Variants in LRRC63 observed in about 807,000 individuals in gnomAD.
LRRC63 encodes leucine-rich repeat-containing protein 63.
A neutral mutation model predicts 49.5 loss-of-function variants in LRRC63; 40 were observed. The ratio of observed to expected loss-of-function variants is 0.81; its 90% CI spans 0.63 to 1.05. LRRC63 has a LOEUF of 1.05. LRRC63 is among the 50% of genes least tolerant of loss of function. The pLI, the probability that LRRC63 is intolerant of heterozygous loss-of-function variation, is 0.00. For synonymous variants in LRRC63, 191 were observed against 221.1 expected (o/e 0.86, Z 1.21); for missense variants, 636 against 663.1 (o/e 0.96, Z 0.45).
rs9567653 is a variant in LRRC63, at chr13:46,251,146, C to T, written c.1226+655C>T. Among the ~76,000 whole-genome samples the T allele has an allele frequency of 4.6e-5, 7 of 151,842 alleles. No homozygotes were observed. The East Asian group carries it at 1.4e-3, about 29-fold the overall frequency. On this transcript the variant is annotated intron_variant, in intron 7 of 9. Coordinates refer to ENST00000595396, the Ensembl canonical transcript of LRRC63. ...ATCTCTCAGTACAAAGAGAAAGGGACTCATAAATAGTTGAATAATACTTTG... is the reference window on the plus strand; with the variant it reads ...ATCTCTCAGTACAAAGAGAAAGGGATTCATAAATAGTTGAATAATACTTTG...
chr13:46,269,144 A>G (rs2047721181), intron 9 of LRRC63, among the ~76,000 whole-genome samples: 1 of 152,056 alleles, frequency 6.6e-6, no homozygotes, highest in Non-Finnish European at 1.5e-5. Context: ...ATTTTCTCAG[A>G]AACTTAATAA....
At chr13:46,233,949 A>G (rs1213320712) in intron 4 of LRRC63, among the ~76,000 whole-genome samples, 1 of 152,222 alleles carries the variant, frequency 6.6e-6, no homozygotes, top group Non-Finnish European at 1.5e-5. Flanking sequence ...ATCTATGAGC[A>G]TATGGTTTAC....
rs574082831 is a variant in LRRC63 at position 46,219,482 on chromosome 13, C to T, written c.85+6363C>T. Among the ~76,000 whole-genome samples the T allele has an allele frequency of 3.9e-5, 6 of 152,302 alleles. No individual in the cohort carries two copies. In the South Asian group the frequency reaches 1.2e-3, roughly 32 times the overall value. On this transcript the variant is annotated intron_variant, in intron 2 of 9. Transcript: ENST00000595396. ...ATTTAGCTTCTCTAAACTGGTTATT[C>T]TAGTTAGCAATTCATCTAACCTTTT...
Position 46,227,590 on chromosome 13 carries a change from G to A in LRRC63, c.164G>A (p.Arg55His), listed in dbSNP as rs76914233. The change falls in exon 3 of 10, where the codon CGT (arginine) becomes CAT (histidine). Residue 55 changes from arginine (R) to histidine (H), a missense_variant. Physicochemically the swap from Arg to His is conservative, Grantham distance 29. Coordinates refer to ENST00000595396, the Ensembl canonical transcript of LRRC63. ...ACTTCCATTAAAATGGATAGAACTCGTTTTCCTGATGTTTTAAGAAATCAA... is the reference window on the plus strand; with the variant it reads ...ACTTCCATTAAAATGGATAGAACTCATTTTCCTGATGTTTTAAGAAATCAA... 355 of 1,549,576 alleles carry A rather than the reference G, an allele frequency of 2.3e-4. 1 individual carries two copies. In the East Asian group the frequency reaches 4.6e-3, roughly 20 times the overall value.
At chr13:46,255,671 T>TATATATATA (rs1487104632) in intron 7 of LRRC63, among the ~76,000 whole-genome samples, 10 of 148,340 alleles carry the variant, frequency 6.7e-5, no homozygotes, top group East Asian at 4.0e-4. Flanking sequence ...TATATAGTTA[T>TATATATATA]TAGTAACCTC....
At chr13:46,266,502 CTA>C in intron 8 of LRRC63, among the ~76,000 whole-genome samples, 1 of 152,232 alleles carries the variant, frequency 6.6e-6, no homozygotes, top group South Asian at 2.1e-4. Flanking sequence ...AAAATCCAAA[CTA>C]TGTACTTAAA....
intron 1 of LRRC63, 26 bp from the exon 2 acceptor site, chr13:46,212,976 C>A: frequency 8.7e-7 from 1 of 1,145,712 alleles, no homozygotes; most frequent in Non-Finnish European, 1.3e-6. Context: ...ATATTCAAAA[C>A]CTTTTCAATT....
intron 4 of LRRC63, among the ~76,000 whole-genome samples, chr13:46,231,250 C>T (rs957563283): frequency 6.6e-6 from 1 of 152,054 alleles, no homozygotes; most frequent in African/African-American, 2.4e-5. Flanking sequence ...TGCCCTTCTC[C>T]TCAGTACCAA....
chr13:46,225,487 A>G (rs1594020233), intron 2 of LRRC63, among the ~76,000 whole-genome samples: 2 of 152,096 alleles, frequency 1.3e-5, no homozygotes, highest in African/African-American at 4.8e-5. Context: ...CCGGTGGGAG[A>G]GGAAATCAAA....
chr13:46,238,006 T>G (rs1245741125), intron 5 of LRRC63, among the ~76,000 whole-genome samples: 1 of 152,066 alleles, frequency 6.6e-6, no homozygotes, highest in Non-Finnish European at 1.5e-5. Flanking sequence ...CAGGCAACCC[T>G]AATTTCAGAC....
intron 2 of LRRC63, among the ~76,000 whole-genome samples, chr13:46,217,449 T>G (rs1256905268): frequency 6.6e-6 from 1 of 152,240 alleles, no homozygotes; most frequent in African/African-American, 2.4e-5. Context: ...GTGGGATCAG[T>G]GGTGATCTCC....
rs528782537 is a variant in LRRC63, at chr13:46,220,681, C to T, written c.86-6831C>T. Among the ~76,000 whole-genome samples the T allele has an allele frequency of 1.9e-3, 284 of 151,756 alleles. 9 individuals are homozygous for T. In the Middle Eastern group the frequency reaches 0.024, roughly 13 times the overall value. Reference sequence around the variant, plus strand: ...AAAAAAAAAACTCCAGCAGCTAGCTCGATGTCTGCCCCCATGGCCACCCAG... The same window carrying T: ...AAAAAAAAAACTCCAGCAGCTAGCTTGATGTCTGCCCCCATGGCCACCCAG... On this transcript the variant is annotated intron_variant, in intron 2 of 9. Transcript: ENST00000595396.
chr13:46,216,817 T>C lies in LRRC63; in HGVS notation c.85+3698T>C, dbSNP rs144101742. ...ATTGAGAGTTTTTAGCATGAAGTGG[T>C]GTTGAATTTTATCAAAGGCCTTTTC... On this transcript the variant is annotated intron_variant, in intron 2 of 9. Coordinates refer to ENST00000595396, the Ensembl canonical transcript of LRRC63. Among the ~76,000 whole-genome samples the C allele has an allele frequency of 5.6e-4, 86 of 152,314 alleles. No individual in the cohort carries two copies. In the Middle Eastern group the frequency reaches 0.01, roughly 18 times the overall value.
At chr13:46,257,306 AT>A (rs2047528379) in intron 7 of LRRC63, among the ~76,000 whole-genome samples, 1 of 152,234 alleles carries the variant, frequency 6.6e-6, no homozygotes, top group African/African-American at 2.4e-5. Context: ...GAGCCTCCAG[AT>A]AGCAATGCAG....
At chr13:46,267,753 A>G (rs2047702678) in intron 9 of LRRC63, among the ~76,000 whole-genome samples, 1 of 152,242 alleles carries the variant, frequency 6.6e-6, no homozygotes, top group African/African-American at 2.4e-5. Flanking sequence ...TCATGAATGC[A>G]CATGAGAAAG....
At chr13:46,275,449 A>T (rs566819454) in intron 9 of LRRC63, among the ~76,000 whole-genome samples, 2 of 152,190 alleles carry the variant, frequency 1.3e-5, no homozygotes, top group African/African-American at 2.4e-5. Context: ...ACTGTGTAAG[A>T]GTTGCTTCTT....
chr13:46,222,478 A>G (rs1483290585), intron 2 of LRRC63, among the ~76,000 whole-genome samples: 1 of 152,210 alleles, frequency 6.6e-6, no homozygotes, highest in Non-Finnish European at 1.5e-5. Flanking sequence ...TCTTTTGAAT[A>G]TGGCTGTCCA....
Position 46,234,184 on chromosome 13 carries a change from T to G in LRRC63, c.833-8T>G, listed in dbSNP as rs1348895759. On this transcript the variant is annotated splice_region_variant and splice_polypyrimidine_tract_variant and intron_variant, in intron 4 of 9. Transcript: ENST00000595396. ...AATTTTATGTTTTGTTTTGTTTTGT[T>G]TATTTAGGTCTCACCAAAACTGAAA... 1.9e-6 allele frequency: 3 copies of G among 1,543,528 alleles called. No individual in the cohort carries two copies. The highest frequency in any genetic ancestry group is 2.4e-5 in the East Asian group (1 of 40,832).
chr13:46,233,341 ATCTT>A (rs1566483442), intron 4 of LRRC63, among the ~76,000 whole-genome samples: 2 of 152,150 alleles, frequency 1.3e-5, no homozygotes, highest in Admixed American at 6.5e-5. Context: ...TACATTATAT[ATCTT>A]TCTTTATTCT....
Sources: gnomAD v4.1 joint callset for allele counts (sites outside exome capture counted in the v4.1 genomes callset) on GRCh38, gnomAD v4.1.1 for gene constraint, MANE v1.5 for transcripts, NCBI Gene and HGNC (gene_info 2026-07-23, HGNC 2026-07-21) for gene names.